The following KYNU variants were observed in gnomAD, a reference collection of about 807,000 sequenced individuals.
KYNU encodes the protein L-kynurenine hydrolase.
A neutral mutation model predicts 59.2 loss-of-function variants in KYNU; 54 were observed. The ratio of observed to expected loss-of-function variants is 0.91; its 90% confidence interval spans 0.73 to 1.14. The LOEUF is 1.14. KYNU is among the 50% of genes most tolerant of loss of function. The probability of loss-of-function intolerance (pLI) is 0.00; values close to 1 mark genes in which losing one functional copy is unlikely to be tolerated. For missense variants in KYNU, 567 were observed against 554.4 expected, an observed-to-expected ratio of 1.02 and a Z score of -0.23; for synonymous variants, 177 against 192.0, an observed-to-expected ratio of 0.92 and a Z score of 0.65.
intron 4 of KYNU, among the ~76,000 whole-genome samples, chr2:142,931,085 G>C (rs1009735998): frequency 6.6e-6 from 1 of 152,148 alleles, no homozygotes; most frequent in African/African-American, 2.4e-5. Context: ...CGTGTCTTCC[G>C]GCCAGGGTAG....
intron 2 of KYNU, among the ~76,000 whole-genome samples, chr2:142,917,056 T>C (rs1050854012): frequency 6.6e-6 from 1 of 152,170 alleles, no homozygotes; most frequent in African/African-American, 2.4e-5. Context: ...TGTTTTAGCA[T>C]AGCACTAAAC....
intron 8 of KYNU, among the ~76,000 whole-genome samples, chr2:142,983,101 C>T (rs1177783371): frequency 6.7e-5 from 10 of 150,114 alleles, no homozygotes; most frequent in Non-Finnish European, 4.5e-5. Flanking sequence ...CAAGGTAGGA[C>T]TTGGCTGGAG....
In KYNU at chr2:142,973,313, A is replaced by G. The variant is rs574445108; in HGVS notation, c.730-11771A>G. The stretch of plus-strand genomic sequence containing the variant: ...CTTTGCTCCTAAATGTCAAGAAGGC[A>G]TAGCCTAAATGTCAATAAGCATCAA... On this transcript the variant is annotated intron_variant, in intron 8 of 13. Coordinates refer to ENST00000264170, the MANE Select transcript of KYNU (RefSeq NM_003937.3). 3.9e-5 allele frequency among the ~76,000 whole-genome samples: 6 copies of G among 152,282 alleles called. No homozygotes were observed. In the East Asian group the frequency reaches 1.2e-3, roughly 30 times the overall value.
chr2:142,923,471 A>C (rs1325395597), intron 3 of KYNU, among the ~76,000 whole-genome samples: 2 of 152,334 alleles, frequency 1.3e-5, no homozygotes, highest in Non-Finnish European at 2.9e-5. Context: ...TAACAAGAAG[A>C]AGCAACAATA....
intron 10 of KYNU, among the ~76,000 whole-genome samples, chr2:143,027,178 A>G (rs1446400603): frequency 6.6e-6 from 1 of 152,184 alleles, no homozygotes; most frequent in Non-Finnish European, 1.5e-5. Context: ...TGTACTTCAA[A>G]TAGTGTAATC....
intron 1 of KYNU, among the ~76,000 whole-genome samples, chr2:142,880,783 C>A (rs1261646083): frequency 6.6e-6 from 1 of 152,150 alleles, no homozygotes; most frequent in African/African-American, 2.4e-5. Context: ...TAAACTATGA[C>A]CAGGCAATTG....
chr2:142,956,433 G>A (rs1376543875), intron 6 of KYNU, among the ~76,000 whole-genome samples, 159 bp downstream of exon 6: 5 of 152,092 alleles, frequency 3.3e-5, no homozygotes. Flanking sequence ...ATAGATTATA[G>A]CTTTATTTCT....
At chr2:142,916,710 T>C (rs34035427) in intron 2 of KYNU, among the ~76,000 whole-genome samples, 11 of 151,954 alleles carry the variant, frequency 7.2e-5, no homozygotes, top group Non-Finnish European at 1.6e-4. Flanking sequence ...TCTAATAAGA[T>C]CAGGCTAAAT....
At chr2:142,903,220 C>T (rs942044287) in intron 2 of KYNU, among the ~76,000 whole-genome samples, 3 of 152,006 alleles carry the variant, frequency 2.0e-5, no homozygotes, top group African/African-American at 4.8e-5. Context: ...TAAGGGGGTA[C>T]TGCCTTTGGT....
At chr2:142,921,078 A>C (rs547619553) in intron 3 of KYNU, among the ~76,000 whole-genome samples, 2 of 152,190 alleles carry the variant, frequency 1.3e-5, no homozygotes, top group Non-Finnish European at 2.9e-5. Context: ...ACAGGAGAAA[A>C]GTTTATTTCA....
chr2:142,899,925 T>C (rs1682016952), intron 2 of KYNU, among the ~76,000 whole-genome samples: 1 of 152,020 alleles, frequency 6.6e-6, no homozygotes, highest in African/African-American at 2.4e-5. Flanking sequence ...TAAGTGAAAG[T>C]GTTACTGGGG....
At chr2:142,897,588 G>C (rs1006471832) in intron 2 of KYNU, among the ~76,000 whole-genome samples, 1 of 152,108 alleles carries the variant, frequency 6.6e-6, no homozygotes, top group Non-Finnish European at 1.5e-5. Flanking sequence ...AAATCTTTAT[G>C]CTTTCTATTA....
At chr2:142,905,691 G>A (rs1002566615) in intron 2 of KYNU, among the ~76,000 whole-genome samples, 2 of 152,194 alleles carry the variant, frequency 1.3e-5, no homozygotes, top group African/African-American at 4.8e-5. Context: ...TCCTCTAAAG[G>A]TTATTTTTCT....
chr2:143,035,739 G>A (rs979033062), intron 12 of KYNU, among the ~76,000 whole-genome samples: 2 of 152,090 alleles, frequency 1.3e-5, no homozygotes, highest in African/African-American at 4.8e-5. Context: ...CTGCAGGACT[G>A]CACCACCACA....
At chr2:143,002,363 T>G (rs1685728759) in intron 10 of KYNU, among the ~76,000 whole-genome samples, 1 of 152,214 alleles carries the variant, frequency 6.6e-6, no homozygotes, top group African/African-American at 2.4e-5. Flanking sequence ...TTCTGAGTTC[T>G]TTTTTCCTAA....
At chr2:142,954,079 G>A (rs1169967386) in intron 4 of KYNU, 2 of 152,050 alleles carry the variant, frequency 1.3e-5, no homozygotes, top group Non-Finnish European at 2.9e-5. Context: ...TATTATTATT[G>A]TTGTGATTAT....
chr2:142,926,668 C>A (rs1328892928), intron 3 of KYNU, among the ~76,000 whole-genome samples: 1 of 152,142 alleles, frequency 6.6e-6, no homozygotes, highest in East Asian at 1.9e-4. Flanking sequence ...ATAGCTCCTC[C>A]CCAGGGTGGA....
At chr2:142,917,880 A>AG (rs2104989633) in intron 2 of KYNU, among the ~76,000 whole-genome samples, 2 of 152,340 alleles carry the variant, frequency 1.3e-5, no homozygotes, top group East Asian at 3.9e-4. Context: ...GTGAAATATA[A>AG]ACAAGAAGCT....
chr2:142,934,093 T>G (rs1683310097), intron 4 of KYNU, among the ~76,000 whole-genome samples: 1 of 152,224 alleles, frequency 6.6e-6, no homozygotes, highest in South Asian at 2.1e-4. Context: ...TTCATCTGGC[T>G]TTTTGACAGG....
Sources: allele counts gnomAD v4.1 joint callset (sites outside exome capture counted in the v4.1 genomes callset), GRCh38; gene constraint gnomAD v4.1.1; transcripts MANE v1.5; gene names NCBI Gene and HGNC (gene_info 2026-07-23, HGNC 2026-07-21).